GLRA1: variants seen among roughly 807,000 people sequenced by gnomAD.
GLRA1 encodes the protein glycine receptor alpha 1, also known as glycine receptor subunit alpha-1.
A neutral mutation model predicts 48.3 loss-of-function variants in GLRA1; 37 were observed. The observed-to-expected ratio is 0.77, with a 90% CI of 0.59 to 1.01. The LOEUF (loss-of-function observed/expected upper bound fraction) is 1.01. Among genes scored for constraint, GLRA1 ranks in the 50% least tolerant of loss-of-function variants. The probability of loss-of-function intolerance (pLI) is 0.00; values close to 1 mark genes in which losing one functional copy is unlikely to be tolerated. For missense variants in GLRA1, 427 were observed against 571.0 expected (o/e 0.75, Z 2.57); for synonymous variants, 196 against 210.7 (o/e 0.93, Z 0.60).
intron 5 of GLRA1, 33 bp downstream of exon 5, chr5:151,856,268 G>T (rs1303131743): frequency 4.8e-6 from 7 of 1,455,196 alleles, no homozygotes; most frequent in Middle Eastern, 3.5e-4. Context: ...AAGGAGCCTG[G>T]TTCTTTCTAG....
chr5:151,871,647 G>A (rs1373666887), intron 3 of GLRA1, among the ~76,000 whole-genome samples: 2 of 146,790 alleles, frequency 1.4e-5, no homozygotes, highest in Non-Finnish European at 3.0e-5. Flanking sequence ...TGCAAGCTCC[G>A]CCTCCTGGGT....
rs1485621292 is a variant in GLRA1 at position 151,853,181 on chromosome 5, G to C, written c.698-1577C>G. Among the ~76,000 whole-genome samples, 4 of 152,156 alleles carry C rather than the reference G, an allele frequency of 2.6e-5. No individual in the cohort carries two copies. The East Asian group carries it at 7.7e-4, about 29-fold the overall frequency. On this transcript the variant is annotated intron_variant, in intron 6 of 8. Transcript: ENST00000274576. ...CTGGAGATCTAATGTACAGCAATGT[G>C]ACTAGAATTAACAGTGCTGTCCTGT...
Position 151,862,055 on chromosome 5 carries a change from A to G in GLRA1, c.253-2047T>C, listed in dbSNP as rs574054844. Reference sequence around the variant, plus strand: ...ATACTATAAGACGACAGTAACCAAAACAACATTGTACTGGTACCAAAACAG... The same window carrying G: ...ATACTATAAGACGACAGTAACCAAAGCAACATTGTACTGGTACCAAAACAG... On this transcript the variant is annotated intron_variant, in intron 3 of 8. Coordinates refer to ENST00000274576, the MANE Select transcript of GLRA1 (RefSeq NM_000171.4). 6.6e-5 allele frequency among the ~76,000 whole-genome samples: 10 copies of G among 152,346 alleles called. No homozygotes were observed. In the East Asian group the frequency reaches 1.9e-3, roughly 29 times the overall value.
chr5:151,918,842 G>C (rs1754799113), intron 1 of GLRA1, among the ~76,000 whole-genome samples: 1 of 152,088 alleles, frequency 6.6e-6, no homozygotes, highest in Admixed American at 6.6e-5. Context: ...ATTTGAAAGA[G>C]CTACCAGAAA....
At chr5:151,907,772 C>G (rs529708737) in intron 1 of GLRA1, among the ~76,000 whole-genome samples, 2 of 152,198 alleles carry the variant, frequency 1.3e-5, no homozygotes, top group Non-Finnish European at 2.9e-5. Context: ...ATTGCAGCCC[C>G]TGGGCAATTA....
At chr5:151,873,785 A>G (rs992718453) in intron 3 of GLRA1, among the ~76,000 whole-genome samples, 5 of 152,172 alleles carry the variant, frequency 3.3e-5, no homozygotes, top group African/African-American at 2.4e-5. Context: ...TCTGCTCGGA[A>G]CACTCCTTGT....
intron 7 of GLRA1, among the ~76,000 whole-genome samples, chr5:151,832,786 G>T (rs915364885): frequency 8.5e-5 from 13 of 152,082 alleles, no homozygotes; most frequent in African/African-American, 3.1e-4. Flanking sequence ...TCAAATTCGG[G>T]AAATACAGAG....
At chr5:151,877,378 A>G (rs1753651553) in intron 3 of GLRA1, among the ~76,000 whole-genome samples, 2 of 152,198 alleles carry the variant, frequency 1.3e-5, no homozygotes, top group African/African-American at 4.8e-5. Context: ...ATAGGACTAA[A>G]ACAGAACTCT....
rs1455947088 is a variant in GLRA1 at position 151,859,850 on chromosome 5, A to G, written c.411T>C (p.His137=). 10 of 1,613,166 alleles carry G rather than the reference A, an allele frequency of 6.2e-6. No homozygotes were observed. The Admixed American group carries it at 8.3e-5, about 13-fold the overall frequency. Residue 137 remains histidine (H), a synonymous_variant, in exon 4 of 9, where the codon CAT becomes CAC. Coordinates refer to ENST00000274576, the MANE Select transcript of GLRA1 (RefSeq NM_000171.4). ...GCAATTTGTTGTCTGTGGTGATCTC[A>G]TGGAAGTGGGCCCCCTTCTCGTTGG... is the stretch of plus-strand genomic sequence containing the variant. The part of the protein sequence containing the change: ...FFANEKGAHF[H]EITTDNKLLR...
intron 7 of GLRA1, among the ~76,000 whole-genome samples, chr5:151,835,263 A>C (rs985927052): frequency 6.6e-6 from 1 of 152,164 alleles, no homozygotes; most frequent in African/African-American, 2.4e-5. Flanking sequence ...AACAAGTCTG[A>C]AATTGACACA....
intron 7 of GLRA1, among the ~76,000 whole-genome samples, chr5:151,849,295 C>A (rs1752810771): frequency 8.2e-6 from 1 of 121,392 alleles, no homozygotes; most frequent in Non-Finnish European, 1.7e-5. Context: ...TCTCTCTCTT[C>A]TTTCTTTCTT....
chr5:151,913,788 T>C (rs1754674692), intron 1 of GLRA1, among the ~76,000 whole-genome samples: 1 of 152,208 alleles, frequency 6.6e-6, no homozygotes, highest in Admixed American at 6.5e-5. Context: ...AGGAAAATGA[T>C]TTAACCTCAT....
At chr5:151,864,399 C>G (rs1346967393) in intron 3 of GLRA1, among the ~76,000 whole-genome samples, 1 of 152,218 alleles carries the variant, frequency 6.6e-6, no homozygotes, top group Non-Finnish European at 1.5e-5. Context: ...TCCCTGCAAG[C>G]TAGACATTCA....
intron 1 of GLRA1, among the ~76,000 whole-genome samples, chr5:151,911,386 A>C (rs1230867721): frequency 1.3e-5 from 2 of 152,130 alleles, no homozygotes; most frequent in Non-Finnish European, 2.9e-5. Flanking sequence ...CCTGCTTTTT[A>C]CACTTGTTGC....
At chr5:151,848,738 T>G (rs1027156688) in intron 7 of GLRA1, 1 of 251,360 alleles carries the variant, frequency 4.0e-6, no homozygotes, top group Non-Finnish European at 7.8e-6. Flanking sequence ...CTGTAATAAA[T>G]CTTAGCTGTG....
In GLRA1 at chr5:151,822,767, G is replaced by A; in HGVS notation, c.1256C>T (p.Ser419Phe). 6.2e-7 allele frequency: 1 copy of A among 1,613,816 alleles called. No homozygotes were observed. The highest frequency in any genetic ancestry group is 8.5e-7 in the Non-Finnish European group (1 of 1,179,752). The change falls in exon 9 of 9, where the codon TCC (serine) becomes TTC (phenylalanine). Residue 419 changes from serine to phenylalanine, a missense_variant. Around this residue, in one of 4 missense-constraint regions of GLRA1, gnomAD observed 121 missense variants for 96.5 expected, o/e 1.25. Transcript: ENST00000274576. Reference sequence around the variant, plus strand: ...GAAGGCCATGGGGAAGCCAATGCGGGATATTTTGTCGATCTTCTTGGCCCT... The same window carrying A: ...GAAGGCCATGGGGAAGCCAATGCGGAATATTTTGTCGATCTTCTTGGCCCT... ...IQRAKKIDKI[S>F]RIGFPMAFLI... is the part of the protein sequence containing the mutation.
chr5:151,842,452 G>GT (rs764597779), intron 7 of GLRA1, among the ~76,000 whole-genome samples: 1 of 151,928 alleles, frequency 6.6e-6, no homozygotes, highest in East Asian at 1.9e-4. Flanking sequence ...TGCAATGTTA[G>GT]TTGAACATAC....
At chr5:151,861,372 A>T (rs898296852) in intron 3 of GLRA1, among the ~76,000 whole-genome samples, 4 of 152,168 alleles carry the variant, frequency 2.6e-5, no homozygotes, top group African/African-American at 7.2e-5. Context: ...ATTTCTCCAC[A>T]TCCTCTCCAG....
At chr5:151,839,733 G>C (rs1217577464) in intron 7 of GLRA1, among the ~76,000 whole-genome samples, 2 of 152,136 alleles carry the variant, frequency 1.3e-5, no homozygotes, top group East Asian at 1.9e-4. Flanking sequence ...TAGGATTTAG[G>C]GAAGAAGAGA....
Sources: allele counts gnomAD v4.1 joint callset (sites outside exome capture counted in the v4.1 genomes callset), GRCh38; gene constraint gnomAD v4.1.1; regional missense constraint gnomAD v4.1.1; transcripts MANE v1.5; gene names NCBI Gene and HGNC (gene_info 2026-07-23, HGNC 2026-07-21).